Variants in AGFG1 observed in about 807,000 individuals in gnomAD.
The protein encoded by AGFG1 is arf-GAP domain and FG repeat-containing protein 1.
Under a neutral mutation model 60.6 loss-of-function variants are expected in AGFG1, and 10 were observed. That is an observed-to-expected ratio of 0.16 (90% CI 0.10 to 0.28). The LOEUF (loss-of-function observed/expected upper bound fraction) is 0.28. AGFG1 is among the 10% of genes least tolerant of loss of function. AGFG1 has a pLI of 1.00. For missense variants in AGFG1, 537 were observed against 676.5 expected, an observed-to-expected ratio of 0.79 and a Z score of 2.29; for synonymous variants, 247 against 242.9, an observed-to-expected ratio of 1.02 and a Z score of -0.16.
intron 4 of AGFG1, among the ~76,000 whole-genome samples, 154 bp downstream of exon 4, chr2:227,524,079 G>T (rs76151398): frequency 0.036 from 5,427 of 151,696 alleles, 130 homozygotes; most frequent in Non-Finnish European, 0.045. Context: ...TTGGTTAAGT[G>T]GTTGAAATGT....
chr2:227,493,548 G>C (rs1051605672), intron 2 of AGFG1, among the ~76,000 whole-genome samples: 1 of 152,148 alleles, frequency 6.6e-6, no homozygotes, highest in Non-Finnish European at 1.5e-5. Context: ...AAAAGAATTA[G>C]TTAATTTTTA....
In AGFG1 at chr2:227,553,730, A is replaced by G. The variant is rs752120917; in HGVS notation, c.1564A>G (p.Thr522Ala). 1 of 1,613,772 alleles carries G rather than the reference A, an allele frequency of 6.2e-7. No individual in the cohort carries two copies. The highest frequency in any genetic ancestry group is 1.3e-5 in the African/African-American group (1 of 74,910). Residue 522 changes from threonine (T) to alanine (A), a missense_variant, in exon 12 of 13, where the codon ACA becomes GCA. This residue lies in a region of AGFG1 where 28 missense variants were observed against 51.5 expected (regional missense o/e 0.54). Coordinates refer to ENST00000310078, the MANE Select transcript of AGFG1 (RefSeq NM_004504.5). ...NGAGFAAFGQTKPVVTPFGQV... is the reference protein window; with the variant it reads ...NGAGFAAFGQAKPVVTPFGQV... ...TGCAGGTTTTGCAGCATTTGGACAA[A>G]CAAAGCCAGTAGTAACCCCTTTTGG...
chr2:227,486,265 G>T (rs1690635894), intron 1 of AGFG1, among the ~76,000 whole-genome samples: 1 of 152,096 alleles, frequency 6.6e-6, no homozygotes, highest in Non-Finnish European at 1.5e-5. Flanking sequence ...TTTCTGTGGG[G>T]TGGGGGATCC....
At chr2:227,499,954 C>G (rs1371201193) in intron 2 of AGFG1, among the ~76,000 whole-genome samples, 1 of 152,206 alleles carries the variant, frequency 6.6e-6, no homozygotes, top group Non-Finnish European at 1.5e-5. Context: ...TTTTTCATTG[C>G]TCTGGCATCA....
chr2:227,528,917 T>C (rs1036344113), intron 5 of AGFG1, among the ~76,000 whole-genome samples: 1 of 152,212 alleles, frequency 6.6e-6, no homozygotes, highest in Admixed American at 6.5e-5. Flanking sequence ...AGAAAGTGGT[T>C]AATCTTAACT....
intron 5 of AGFG1, 141 bp downstream of exon 5, chr2:227,525,056 G>T: frequency 1.1e-6 from 1 of 939,138 alleles, no homozygotes; most frequent in Non-Finnish European, 1.6e-6. Flanking sequence ...GCTGTAATAT[G>T]TAACCATATA....
At chr2:227,484,688 GTTTTTTTT>G (rs745570416) in intron 1 of AGFG1, among the ~76,000 whole-genome samples, 74 of 25,118 alleles carry the variant, frequency 2.9e-3, no homozygotes, top group African/African-American at 7.7e-3. Flanking sequence ...TTTTTTTTTT[GTTTTTTTT>G]TTTTTTTTTT....
chr2:227,484,360 A>G (rs528938187), intron 1 of AGFG1, among the ~76,000 whole-genome samples: 10 of 151,618 alleles, frequency 6.6e-5, no homozygotes, highest in South Asian at 4.2e-4. Flanking sequence ...TAATTTTTCT[A>G]TTTTTAGTAG....
chr2:227,485,490 C>T (rs576905872), intron 1 of AGFG1, among the ~76,000 whole-genome samples: 95 of 151,960 alleles, frequency 6.3e-4, no homozygotes, highest in African/African-American at 2.2e-3. Context: ...CCTGCCTCAG[C>T]CTCCCAAAGT....
chr2:227,516,149 A>G (rs911443650), intron 2 of AGFG1, among the ~76,000 whole-genome samples: 1 of 152,232 alleles, frequency 6.6e-6, no homozygotes, highest in Non-Finnish European at 1.5e-5. Flanking sequence ...CTGGTGGCCT[A>G]GATGTTACTA....
chr2:227,482,318 A>G (rs1185058314), intron 1 of AGFG1, among the ~76,000 whole-genome samples: 1 of 152,184 alleles, frequency 6.6e-6, no homozygotes, highest in Non-Finnish European at 1.5e-5. Context: ...GATTTATATC[A>G]TGCTTATTAT....
rs1460244944 is a variant in AGFG1 at position 227,555,408 on chromosome 2, T to C, written c.*913T>C. On this transcript the variant is annotated 3_prime_UTR_variant, in exon 13 of 13. Coordinates refer to ENST00000310078, the MANE Select transcript of AGFG1 (RefSeq NM_004504.5). ...ATGAAGAATTTGCATGTATGTGTAT[T>C]TACAAATTTTTCTAAGTATCTTGAA... 1 of 152,610 alleles carries C rather than the reference T, an allele frequency of 6.6e-6. No homozygotes were observed. The highest frequency in any genetic ancestry group is 1.5e-5 in the Non-Finnish European group (1 of 68,010). The allele number at this position is 152,610 out of a possible 1,614,324, so 9.5% of individuals were successfully genotyped here. A position where few individuals can be genotyped will look rare whatever the true frequency, so the allele number is the denominator to read the frequency against.
intron 2 of AGFG1, among the ~76,000 whole-genome samples, chr2:227,498,258 A>G (rs1409551619): frequency 2.0e-5 from 3 of 152,188 alleles, no homozygotes; most frequent in African/African-American, 7.2e-5. Flanking sequence ...ACATAGGAAC[A>G]TGGCATGCTT....
In AGFG1 at chr2:227,548,686, C is replaced by G. The variant is rs186877694; in HGVS notation, c.1379-3273C>G. 3.9e-5 allele frequency among the ~76,000 whole-genome samples: 6 copies of G among 152,250 alleles called. No individual in the cohort carries two copies. The South Asian group carries it at 1.0e-3, about 26-fold the overall frequency. Reference sequence around the variant, plus strand: ...GGTGCAGTGGCTCACGCCTGTAATCCCAGCACTTTGGGAGGCCGAGGCAGG... The same window carrying G: ...GGTGCAGTGGCTCACGCCTGTAATCGCAGCACTTTGGGAGGCCGAGGCAGG... On this transcript the variant is annotated intron_variant, in intron 10 of 12. Coordinates refer to ENST00000310078, the MANE Select transcript of AGFG1 (RefSeq NM_004504.5).
At chr2:227,474,690 C>G (rs528614961) in intron 1 of AGFG1, among the ~76,000 whole-genome samples, 2 of 152,224 alleles carry the variant, frequency 1.3e-5, no homozygotes, top group South Asian at 4.2e-4. Flanking sequence ...AATGAGATAG[C>G]CAGGAAATAT....
At chr2:227,473,274 G>A (rs1690172969) in intron 1 of AGFG1, among the ~76,000 whole-genome samples, 1 of 152,198 alleles carries the variant, frequency 6.6e-6, no homozygotes, top group Non-Finnish European at 1.5e-5. Flanking sequence ...GGGAGGCAGA[G>A]GAGCAGATTT....
intron 10 of AGFG1, among the ~76,000 whole-genome samples, chr2:227,548,801 G>T (rs961685634): frequency 2.0e-5 from 3 of 152,164 alleles, no homozygotes; most frequent in Non-Finnish European, 2.9e-5. Context: ...GCTGGGCATG[G>T]TGGTGGGCAC....
chr2:227,507,144 G>C (rs189992502), intron 2 of AGFG1, among the ~76,000 whole-genome samples: 3 of 151,988 alleles, frequency 2.0e-5, no homozygotes, highest in African/African-American at 7.3e-5. Context: ...AGGGATCCTT[G>C]AGACCTTTTC....
chr2:227,494,579 T>C (rs1690921100), intron 2 of AGFG1, among the ~76,000 whole-genome samples: 1 of 152,216 alleles, frequency 6.6e-6, no homozygotes, highest in Non-Finnish European at 1.5e-5. Context: ...GTTTGGTTGT[T>C]GTCACTATTG....
Sources: gnomAD v4.1 joint callset for allele counts (sites outside exome capture counted in the v4.1 genomes callset) on GRCh38, gnomAD v4.1.1 for gene constraint, gnomAD v4.1.1 regional missense constraint, MANE v1.5 for transcripts, NCBI Gene and HGNC (gene_info 2026-07-23, HGNC 2026-07-21) for gene names.